CLNK: variants seen among roughly 807,000 people sequenced by gnomAD.
CLNK encodes the protein cytokine-dependent hematopoietic cell linker.
Under a neutral mutation model 68.6 loss-of-function variants are expected in CLNK, and 74 were observed. The observed-to-expected ratio is 1.08, with a 90% CI of 0.89 to 1.31. The LOEUF (loss-of-function observed/expected upper bound fraction) is 1.31, where lower values mean the gene tolerates loss of function less well. Among genes scored for constraint, CLNK ranks in the 50% most tolerant of loss-of-function variants. CLNK has a pLI of 0.00. For synonymous variants in CLNK, 198 were observed against 172.2 expected (o/e 1.15, Z -1.17); for missense variants, 553 against 515.3 (o/e 1.07, Z -0.71).
chr4:10,658,385 C>T (rs1056071928), intron 2 of CLNK, among the ~76,000 whole-genome samples: 10 of 152,230 alleles, frequency 6.6e-5, no homozygotes, highest in African/African-American at 2.4e-4. Context: ...GTATCTGTTC[C>T]AGTCATCTGT....
intron 7 of CLNK, among the ~76,000 whole-genome samples, chr4:10,560,251 C>T (rs1719835315): frequency 6.6e-6 from 1 of 152,192 alleles, no homozygotes; most frequent in African/African-American, 2.4e-5. Context: ...TGGGCACTGG[C>T]TCACCTTTCA....
chr4:10,489,473 A>G lies in CLNK; in HGVS notation c.*994T>C, dbSNP rs1560184957. The G allele has an allele frequency of 6.6e-6, 1 of 152,096 alleles. No individual in the cohort carries two copies. The highest frequency in any genetic ancestry group is 1.5e-5 in the Non-Finnish European group (1 of 68,030). The allele number at this position is 152,096 out of a possible 1,614,324, so 9.4% of individuals were successfully genotyped here. ...TCTGTACTATGAATGTGTTAATTCC[A>G]TTTGACTTAAAGCTACTTGAAGCAG... is the stretch of plus-strand genomic sequence containing the variant. On this transcript the variant is annotated 3_prime_UTR_variant, in exon 19 of 19. Coordinates refer to ENST00000226951, the MANE Select transcript of CLNK (RefSeq NM_052964.4).
At chr4:10,616,258 T>A (rs1171937454) in intron 2 of CLNK, among the ~76,000 whole-genome samples, 2 of 152,070 alleles carry the variant, frequency 1.3e-5, no homozygotes, top group East Asian at 3.9e-4. Flanking sequence ...ATAGTGGGAG[T>A]ACTTACACCA....
chr4:10,659,120 C>G (rs534826507), intron 2 of CLNK, among the ~76,000 whole-genome samples: 1 of 152,294 alleles, frequency 6.6e-6, no homozygotes, highest in African/African-American at 2.4e-5. Context: ...AGGAGACTTT[C>G]TTGAACCCGG....
chr4:10,722,857 C>T, the CLNK span, among the ~76,000 whole-genome samples: 20 of 152,298 alleles, frequency 1.3e-4, no homozygotes, highest in Non-Finnish European at 2.1e-4. Flanking sequence ...CGAGACCAGC[C>T]TGGCCAGCAT....
intron 2 of CLNK, among the ~76,000 whole-genome samples, chr4:10,601,523 A>G (rs1721590463): frequency 6.6e-6 from 1 of 152,208 alleles, no homozygotes; most frequent in Non-Finnish European, 1.5e-5. Context: ...AACTTTTAAA[A>G]ATATACAATG....
chr4:10,692,528 T>C, the CLNK span, among the ~76,000 whole-genome samples: 2 of 152,306 alleles, frequency 1.3e-5, no homozygotes, highest in Admixed American at 6.5e-5. Flanking sequence ...GATCCACTCA[T>C]GGAAAATTCT....
intron 15 of CLNK, among the ~76,000 whole-genome samples, chr4:10,518,535 C>T (rs1450952766): frequency 6.6e-6 from 1 of 152,164 alleles, no homozygotes; most frequent in Non-Finnish European, 1.5e-5. Context: ...AGATGATCTA[C>T]AATCCCAGAC....
chr4:10,664,385 A>G (rs1049889146), intron 2 of CLNK, among the ~76,000 whole-genome samples: 4 of 152,208 alleles, frequency 2.6e-5, no homozygotes, highest in African/African-American at 9.7e-5. Context: ...AATTTTGACA[A>G]AGGAAGTGAG....
At chr4:10,674,920 GT>G (rs1265590014) in intron 1 of CLNK, among the ~76,000 whole-genome samples, 1 of 151,268 alleles carries the variant, frequency 6.6e-6, no homozygotes, top group Non-Finnish European at 1.5e-5. Context: ...CCGTGTTCAT[GT>G]TCATGAGAAT....
chr4:10,558,603 A>G (rs1389372840), intron 7 of CLNK, among the ~76,000 whole-genome samples, 151 bp from the exon 8 acceptor site: 1 of 152,206 alleles, frequency 6.6e-6, no homozygotes, highest in African/African-American at 2.4e-5. Flanking sequence ...GTCAACAAAC[A>G]TGTATAAATA....
intron 7 of CLNK, 47 bp from the exon 8 acceptor site, chr4:10,558,499 A>T: frequency 6.5e-7 from 1 of 1,547,042 alleles, no homozygotes; most frequent in Non-Finnish European, 8.9e-7. Context: ...TGTGACTATG[A>T]CACTATCTGA....
At chr4:10,536,140 C>T (rs1275227626) in intron 11 of CLNK, among the ~76,000 whole-genome samples, 1 of 152,178 alleles carries the variant, frequency 6.6e-6, no homozygotes, top group Non-Finnish European at 1.5e-5. Context: ...GTGAGCACAG[C>T]CCACTGCAAA....
At chr4:10,581,404 G>A (rs535964181) in intron 4 of CLNK, among the ~76,000 whole-genome samples, 4 of 152,174 alleles carry the variant, frequency 2.6e-5, no homozygotes, top group Non-Finnish European at 5.9e-5. Context: ...CTAGCTCTCT[G>A]GGTATTTCAG....
rs1719309590 is a variant in CLNK, at chr4:10,548,168, T to C, written c.446-5888A>G. 2.6e-5 allele frequency among the ~76,000 whole-genome samples: 4 copies of C among 152,168 alleles called. No individual in the cohort carries two copies. The South Asian group carries it at 8.3e-4, about 31-fold the overall frequency. On this transcript the variant is annotated intron_variant, in intron 8 of 18. Coordinates refer to ENST00000226951, the MANE Select transcript of CLNK (RefSeq NM_052964.4). ...AACACTTGCCATCTTTTGTTTTTTG[T>C]GTGTGTTTTTTAAGTAATAGTCATC... is the stretch of plus-strand genomic sequence containing the variant.
chr4:10,504,073 G>C (rs1380287997), intron 17 of CLNK, among the ~76,000 whole-genome samples: 3 of 148,642 alleles, frequency 2.0e-5, no homozygotes, highest in African/African-American at 7.5e-5. Flanking sequence ...GAGCCATCGC[G>C]CCCGGCTCAT....
intron 2 of CLNK, among the ~76,000 whole-genome samples, chr4:10,603,430 C>G (rs146380927): frequency 1.2e-3 from 182 of 152,290 alleles, no homozygotes; most frequent in African/African-American, 4.3e-3. Flanking sequence ...CCTATGAGAC[C>G]AGTCCTATTC....
At chr4:10,686,506 C>T (rs1378930471), upstream of CLNK, among the ~76,000 whole-genome samples, 1 of 151,586 alleles carries the variant, frequency 6.6e-6, no homozygotes, top group Non-Finnish European at 1.5e-5. Context: ...CTGTTCTCCT[C>T]TGCATAGCTT....
chr4:10,655,912 G>A (rs1045779292), intron 2 of CLNK, among the ~76,000 whole-genome samples: 10 of 152,120 alleles, frequency 6.6e-5, no homozygotes, highest in Admixed American at 2.6e-4. Context: ...GCCTCCCAAA[G>A]TGCTGGGATT....
Sources: allele counts gnomAD v4.1 joint callset (sites outside exome capture counted in the v4.1 genomes callset), GRCh38; gene constraint gnomAD v4.1.1; transcripts MANE v1.5; gene names NCBI Gene and HGNC (gene_info 2026-07-23, HGNC 2026-07-21).